CROCC: variants seen among roughly 807,000 people sequenced by gnomAD.
The protein encoded by CROCC is rootletin.
Under a neutral mutation model 245.2 loss-of-function variants are expected in CROCC, and 180 were observed. The ratio of observed to expected loss-of-function variants is 0.73; its 90% CI spans 0.65 to 0.83. CROCC has a LOEUF of 0.83. Among genes scored for constraint, CROCC ranks in the 40% least tolerant of loss-of-function variants. The pLI, the probability that CROCC is intolerant of heterozygous loss-of-function variation, is 0.00. For missense variants in CROCC, 2,688 were observed against 2,779.4 expected (o/e 0.97, Z 0.74); for synonymous variants, 1,205 against 1,241.6 (o/e 0.97, Z 0.62).
chr1:16,918,753 T>TG (rs2075343307), upstream of CROCC, among the ~76,000 whole-genome samples: 1 of 151,720 alleles, frequency 6.6e-6, no homozygotes, highest in East Asian at 1.9e-4. Context: ...TGTTTTTTTT[T>TG]TGAGACAGAG....
intron 9 of CROCC, among the ~76,000 whole-genome samples, chr1:16,937,352 CA>C (rs34292893): frequency 0.031 from 4,206 of 137,368 alleles, 3 homozygotes; most frequent in Middle Eastern, 0.043. Context: ...AACTCCGTCT[CA>C]AAAAAAAAAA....
chr1:16,954,549 C>T lies in CROCC; in HGVS notation c.3322-185C>T, dbSNP rs181001773. On this transcript the variant is annotated intron_variant, in intron 22 of 36. Transcript: ENST00000375541. The surrounding 1 kb of genome is among the most constrained non-coding windows in gnomAD (Gnocchi z 4.4). ...GCCCTGCCCTGATGAATCCTTTTGG[C>T]GTGAGGGAGAGGCTGGCTACACGGG... Among the ~76,000 whole-genome samples, 2 of 152,334 alleles carry T rather than the reference C, an allele frequency of 1.3e-5. No individual in the cohort carries two copies. Among genetic ancestry groups the T allele is most frequent in the Non-Finnish European group, 2.9e-5 (2 of 68,030 alleles).
Position 16,960,747 on chromosome 1 carries a change from C to A in CROCC, c.4033-11C>A. The stretch of plus-strand genomic sequence containing the variant: ...GGTCTTGCCGACCTCCACCTCCTGG[C>A]ATCACTCCAGCTCCAGGTAGCCCAG... On this transcript the variant is annotated splice_polypyrimidine_tract_variant and intron_variant, in intron 26 of 36. Coordinates refer to ENST00000375541, the MANE Select transcript of CROCC (RefSeq NM_014675.5). 1 of 1,507,076 alleles carries A rather than the reference C, an allele frequency of 6.6e-7. No homozygotes were observed. Among genetic ancestry groups the A allele is most frequent in the Non-Finnish European group, 8.8e-7 (1 of 1,131,614 alleles). 93.4% of individuals were successfully genotyped at this position (1,507,076 alleles called of 1,614,324 possible). A position where few individuals can be genotyped will look rare whatever the true frequency, so the allele number is the denominator to read the frequency against.
At chr1:16,959,613 C>T (rs551871060) in intron 26 of CROCC, among the ~76,000 whole-genome samples, 6 of 152,272 alleles carry the variant, frequency 3.9e-5, no homozygotes, top group African/African-American at 1.2e-4. Flanking sequence ...AACTGGTGAC[C>T]GTGAGAGGTT....
chr1:16,951,264 G>A (rs1395060813), intron 20 of CROCC, 142 bp downstream of exon 20: 15 of 719,200 alleles, frequency 2.1e-5, no homozygotes, highest in South Asian at 3.9e-5. Context: ...GGACTGGGGG[G>A]ATGGGGAGGT....
intron 8 of CROCC, among the ~76,000 whole-genome samples, chr1:16,932,787 A>G (rs1429524994): frequency 1.3e-5 from 2 of 152,280 alleles, no homozygotes; most frequent in African/African-American, 4.8e-5. Context: ...CAGTAGTGTC[A>G]GGGAGGCTGC....
chr1:16,930,120 C>G lies in CROCC; in HGVS notation c.538-4C>G. 6.3e-7 allele frequency: 1 copy of G among 1,589,318 alleles called. No individual in the cohort carries two copies. The highest frequency in any genetic ancestry group is 2.3e-5 in the East Asian group (1 of 43,892). ...GGGGCTCACCATCAGCTCCCCATCC[C>G]CAGATTCTCCAGTACAAGAAGAGGT... On this transcript the variant is annotated splice_polypyrimidine_tract_variant and splice_region_variant and intron_variant, in intron 4 of 36. Coordinates refer to ENST00000375541, the MANE Select transcript of CROCC (RefSeq NM_014675.5).
chr1:16,938,507 G>T, intron 11 of CROCC, 24 bp downstream of exon 11: 1 of 1,546,794 alleles, frequency 6.5e-7, no homozygotes, highest in Admixed American at 2.0e-5. Flanking sequence ...GAGGCGGGAA[G>T]ACAGCGCCCT....
chr1:16,948,675 A>G (rs1238348885), intron 18 of CROCC, 124 bp from the exon 19 acceptor site: 2 of 1,530,814 alleles, frequency 1.3e-6, no homozygotes, highest in South Asian at 1.3e-5. Flanking sequence ...TTCCCCAGGG[A>G]GTGTGGGCCT....
intron 25 of CROCC, among the ~76,000 whole-genome samples, chr1:16,956,674 C>G (rs540333899): frequency 1.9e-4 from 28 of 150,260 alleles, no homozygotes; most frequent in African/African-American, 6.9e-4. Context: ...TTTCATGTGT[C>G]AAGAAATGTT....
rs1437951620 is a variant in CROCC, at chr1:16,937,655, G to T, written c.1208G>T (p.Gly403Val). Residue 403 changes from glycine (G) to valine (V), a missense_variant, in exon 10 of 37, where the codon GGC becomes GTC. This residue lies in a region of CROCC where 972 missense variants were observed against 895.3 expected (regional missense o/e 1.09). Coordinates refer to ENST00000375541, the MANE Select transcript of CROCC (RefSeq NM_014675.5). ...CCCAACTCCAGAGTGACAGAGCTGG[G>T]CCTGGCAGTGAAGCGTCTTGAGAAG... ...ADLSARVTEL[G>V]LAVKRLEKQN... 3 of 1,611,314 alleles carry T rather than the reference G, an allele frequency of 1.9e-6. No homozygotes were observed. The highest frequency in any genetic ancestry group is 3.3e-5 in the Admixed American group (2 of 59,968).
chr1:16,915,234 G>A (rs565710768), intron 1 of CROCC, among the ~76,000 whole-genome samples: 1 of 152,414 alleles, frequency 6.6e-6, no homozygotes, highest in South Asian at 2.1e-4. Context: ...ACCATCTGTG[G>A]CCCAACATGA....
At chr1:16,931,211 T>TGGTCGGAGATGAGGGAAGCA (rs1553152658) in intron 7 of CROCC, 80 bp from the exon 8 acceptor site, 2 of 1,255,254 alleles carry the variant, frequency 1.6e-6, no homozygotes, top group Non-Finnish European at 2.3e-6. Flanking sequence ...CCTCCCAGGA[T>TGGTCGGAGATGAGGGAAGCA]GGTCGGAGAT....
At chr1:16,928,883 G>A (rs1379076505) in intron 3 of CROCC, among the ~76,000 whole-genome samples, 1 of 152,234 alleles carries the variant, frequency 6.6e-6, no homozygotes, top group African/African-American at 2.4e-5. Context: ...CTGGAGTGCA[G>A]TGGCACGATC....
At chr1:16,967,899 A>G (rs1350764535) in intron 30 of CROCC, among the ~76,000 whole-genome samples, 1 of 152,118 alleles carries the variant, frequency 6.6e-6, no homozygotes, top group African/African-American at 2.4e-5. Flanking sequence ...GTACCCTGGG[A>G]CCAATCCAGT....
intron 27 of CROCC, among the ~76,000 whole-genome samples, chr1:16,963,235 A>C (rs1024342756): frequency 6.7e-6 from 1 of 149,850 alleles, no homozygotes; most frequent in Non-Finnish European, 1.5e-5. Flanking sequence ...GGGCTAGGGC[A>C]GTTCATGCGG....
intron 26 of CROCC, 140 bp downstream of exon 26, chr1:16,958,890 T>C: frequency 9.9e-7 from 1 of 1,008,684 alleles, no homozygotes; most frequent in Non-Finnish European, 1.4e-6. Flanking sequence ...TCTTCCCCAG[T>C]TGTAGTAACA....
At chr1:16,937,166 C>T (rs1264393199) in intron 9 of CROCC, among the ~76,000 whole-genome samples, 3 of 152,240 alleles carry the variant, frequency 2.0e-5, no homozygotes, top group Admixed American at 1.3e-4. Flanking sequence ...CCAGCCTGTC[C>T]GACAGGCAAA....
chr1:16,951,102 C>A lies in CROCC; in HGVS notation c.2986C>A (p.Gln996Lys), dbSNP rs756160167. The change falls in exon 20 of 37, where the codon CAG (glutamine) becomes AAG (lysine). Residue 996 changes from glutamine to lysine, a missense_variant. Around this residue, in one of 9 missense-constraint regions of CROCC, gnomAD observed 106 missense variants for 126.1 expected, o/e 0.84. Coordinates refer to ENST00000375541, the MANE Select transcript of CROCC (RefSeq NM_014675.5). ...GCGGGCAGCTCACGAGGAGGACTTACAGCGACTCCAGCGTGAAAAGGTTCA... is the reference window on the plus strand; with the variant it reads ...GCGGGCAGCTCACGAGGAGGACTTAAAGCGACTCCAGCGTGAAAAGGTTCA... Reference protein sequence around the residue: ...EQRAAHEEDLQRLQREKEAAW... With the variant: ...EQRAAHEEDLKRLQREKEAAW... 6.4e-7 allele frequency: 1 copy of A among 1,555,536 alleles called. No individual in the cohort carries two copies. Among genetic ancestry groups the A allele is most frequent in the Non-Finnish European group, 8.7e-7 (1 of 1,152,002 alleles).
Sources: gnomAD v4.1 joint callset for allele counts (sites outside exome capture counted in the v4.1 genomes callset) on GRCh38, gnomAD v4.1.1 for gene constraint, gnomAD v4.1.1 regional missense constraint, Gnocchi (gnomAD v3.1) non-coding constraint, MANE v1.5 for transcripts, NCBI Gene and HGNC (gene_info 2026-07-23, HGNC 2026-07-21) for gene names.